The following OXSR1 variants were observed in gnomAD, a reference collection of about 807,000 sequenced individuals.
OXSR1 encodes the protein oxidative stress responsive kinase 1.
In OXSR1, 24 loss-of-function variants were observed where a neutral mutation model predicts 79.8. That is an observed-to-expected ratio of 0.30 (90% CI 0.22 to 0.42). The LOEUF is 0.42. OXSR1 is among the 10% of genes least tolerant of loss of function. The pLI is 1.00. For missense variants in OXSR1, 430 were observed against 618.4 expected (o/e 0.70, Z 3.23); for synonymous variants, 226 against 209.2 (o/e 1.08, Z -0.69).
intron 4 of OXSR1, among the ~76,000 whole-genome samples, chr3:38,201,596 GC>G (rs1432934079): frequency 6.6e-6 from 1 of 152,118 alleles, no homozygotes; most frequent in Non-Finnish European, 1.5e-5. Context: ...TGTAGTCCTA[GC>G]TACTCAGGAG....
At chr3:38,187,664 A>G (rs1215769012) in intron 2 of OXSR1, among the ~76,000 whole-genome samples, 1 of 152,226 alleles carries the variant, frequency 6.6e-6, no homozygotes, top group South Asian at 2.1e-4. Context: ...AGTTCAAACA[A>G]AAAATCTGGC....
At chr3:38,172,651 A>G (rs1701603769) in intron 1 of OXSR1, among the ~76,000 whole-genome samples, 1 of 152,108 alleles carries the variant, frequency 6.6e-6, no homozygotes, top group African/African-American at 2.4e-5. Flanking sequence ...GCCTCCATAA[A>G]TGTGAAGGAC....
At chr3:38,203,173 A>G (rs1702199185) in intron 4 of OXSR1, among the ~76,000 whole-genome samples, 1 of 152,214 alleles carries the variant, frequency 6.6e-6, no homozygotes, top group Non-Finnish European at 1.5e-5. Context: ...ATAAGTGCGT[A>G]GAAGAAAACG....
At chr3:38,180,700 A>G (rs915162992) in intron 1 of OXSR1, among the ~76,000 whole-genome samples, 1 of 149,148 alleles carries the variant, frequency 6.7e-6, no homozygotes, top group Non-Finnish European at 1.5e-5. Flanking sequence ...CCAGCTAATT[A>G]TTTTTGTATT....
intron 4 of OXSR1, among the ~76,000 whole-genome samples, chr3:38,210,803 A>G (rs543283464): frequency 4.6e-5 from 7 of 152,242 alleles, no homozygotes; most frequent in African/African-American, 1.7e-4. Flanking sequence ...TGATTTTCAG[A>G]CTTTTTTCCT....
rs984270156 is a variant in OXSR1, at chr3:38,234,461, G to T, written c.952-2378G>T. 2.6e-5 allele frequency among the ~76,000 whole-genome samples: 4 copies of T among 152,214 alleles called. No individual in the cohort carries two copies. In the East Asian group the frequency reaches 7.7e-4, roughly 29 times the overall value. On this transcript the variant is annotated intron_variant, in intron 10 of 17. Coordinates refer to ENST00000311806, the MANE Select transcript of OXSR1 (RefSeq NM_005109.3). ...AGGATCTGAATAGAAACTTCTTGAAGATACATAAATGGCCAATAAACACAT... is the reference window on the plus strand; with the variant it reads ...AGGATCTGAATAGAAACTTCTTGAATATACATAAATGGCCAATAAACACAT...
intron 1 of OXSR1, among the ~76,000 whole-genome samples, chr3:38,171,220 A>G (rs1436229374): frequency 6.6e-6 from 1 of 152,216 alleles, no homozygotes; most frequent in Non-Finnish European, 1.5e-5. Flanking sequence ...ACAGCCTAGT[A>G]TAAGTAGCAA....
At chr3:38,170,975 A>C (rs528773909) in intron 1 of OXSR1, among the ~76,000 whole-genome samples, 1 of 151,964 alleles carries the variant, frequency 6.6e-6, no homozygotes, top group South Asian at 2.1e-4. Flanking sequence ...ACAGGGTCTC[A>C]TATGTTGTCC....
At chr3:38,216,220 T>C in intron 5 of OXSR1, 69 bp downstream of exon 5, 1 of 994,258 alleles carries the variant, frequency 1.0e-6, no homozygotes. Flanking sequence ...CTTTTATGTT[T>C]CCTTAATCAG....
chr3:38,226,177 A>G (rs1166216226), intron 8 of OXSR1, among the ~76,000 whole-genome samples: 1 of 152,084 alleles, frequency 6.6e-6, no homozygotes, highest in Non-Finnish European at 1.5e-5. Flanking sequence ...GGATTCCTGA[A>G]CATAATGCCC....
intron 1 of OXSR1, among the ~76,000 whole-genome samples, chr3:38,175,871 A>C (rs1469400641): frequency 6.6e-6 from 1 of 152,188 alleles, no homozygotes; most frequent in Non-Finnish European, 1.5e-5. Flanking sequence ...TGGGGCATTG[A>C]GGAGGCGTGC....
chr3:38,173,191 A>G (rs924395011), intron 1 of OXSR1, among the ~76,000 whole-genome samples: 2 of 152,246 alleles, frequency 1.3e-5, no homozygotes, highest in African/African-American at 4.8e-5. Context: ...ATTACTTCAA[A>G]CAAAATAGGT....
intron 6 of OXSR1, among the ~76,000 whole-genome samples, chr3:38,222,618 A>G (rs1038086003): frequency 3.3e-5 from 5 of 152,154 alleles, no homozygotes; most frequent in African/African-American, 1.2e-4. Flanking sequence ...TATTTCTCCT[A>G]TATTGCTTAG....
intron 1 of OXSR1, among the ~76,000 whole-genome samples, chr3:38,179,956 G>C (rs1250574122): frequency 6.6e-6 from 1 of 152,068 alleles, no homozygotes; most frequent in Non-Finnish European, 1.5e-5. Flanking sequence ...CTACAGGCGT[G>C]TGCCCCCATG....
intron 3 of OXSR1, among the ~76,000 whole-genome samples, chr3:38,192,387 A>G (rs1172894635): frequency 1.3e-5 from 2 of 152,182 alleles, no homozygotes; most frequent in Non-Finnish European, 2.9e-5. Flanking sequence ...TTCCTCGGGA[A>G]TGGTACTTAG....
At chr3:38,215,408 G>A (rs1369020953) in intron 4 of OXSR1, among the ~76,000 whole-genome samples, 1 of 152,022 alleles carries the variant, frequency 6.6e-6, no homozygotes, top group African/African-American at 2.4e-5. Context: ...AGGATTTGGG[G>A]ATTTTAAATT....
At chr3:38,216,752 T>C (rs1190968810) in intron 5 of OXSR1, among the ~76,000 whole-genome samples, 3 of 152,164 alleles carry the variant, frequency 2.0e-5, no homozygotes, top group Admixed American at 2.0e-4. Flanking sequence ...GGTCCCAGAC[T>C]GCTAGAACAG....
intron 5 of OXSR1, 102 bp downstream of exon 5, chr3:38,216,253 C>T (rs1427544041): frequency 1.2e-5 from 9 of 723,192 alleles, no homozygotes; most frequent in Admixed American, 3.0e-5. Context: ...TTCCCTGGAC[C>T]ATCTCTATTC....
intron 9 of OXSR1, among the ~76,000 whole-genome samples, chr3:38,229,986 T>C (rs1265763876): frequency 1.3e-5 from 2 of 152,224 alleles, no homozygotes; most frequent in Admixed American, 6.5e-5. Flanking sequence ...ATTATAAATA[T>C]AATTTGTGAA....
Sources: allele counts gnomAD v4.1 joint callset (sites outside exome capture counted in the v4.1 genomes callset), GRCh38; gene constraint gnomAD v4.1.1; transcripts MANE v1.5; gene names NCBI Gene and HGNC (gene_info 2026-07-23, HGNC 2026-07-21).